Variants in BAX observed in about 807,000 individuals in gnomAD.
The protein encoded by BAX is apoptosis regulator BAX.
Under a neutral mutation model 26.8 loss-of-function variants are expected in BAX, and 21 were observed. That is an observed-to-expected ratio of 0.78 (90% confidence interval 0.56 to 1.13). The LOEUF is 1.13. Among genes scored for constraint, BAX ranks in the 50% most tolerant of loss-of-function variants. The pLI is 0.00. For synonymous variants in BAX, 110 were observed against 101.8 expected (o/e 1.08, Z -0.49); for missense variants, 236 against 254.6 (o/e 0.93, Z 0.50).
In BAX at chr19:48,961,685, T is replaced by A; in HGVS notation, c.*49T>A. ...GTTTTTCCTCCATAAATTATGGCATTTTTCTGGGAGGGGTGGGGATTGGGG... is the reference window on the plus strand; with the variant it reads ...GTTTTTCCTCCATAAATTATGGCATATTTCTGGGAGGGGTGGGGATTGGGG... On this transcript the variant is annotated 3_prime_UTR_variant, in exon 6 of 6. Coordinates refer to ENST00000345358, the MANE Select transcript of BAX (RefSeq NM_138761.4). 2 of 1,473,952 alleles carry A rather than the reference T, an allele frequency of 1.4e-6. No individual in the cohort carries two copies. The highest frequency in any genetic ancestry group is 1.9e-6 in the Non-Finnish European group (2 of 1,078,196). The allele number at this position is 1,473,952 out of a possible 1,614,324, so 91.3% of individuals were successfully genotyped here.
intron 4 of BAX, among the ~76,000 whole-genome samples, chr19:48,956,619 T>TGATTTGGCAGA (rs2038142813): frequency 6.6e-6 from 1 of 151,344 alleles, no homozygotes; most frequent in Non-Finnish European, 1.5e-5. Flanking sequence ...AAGTGGGCAG[T>TGATTTGGCAGA]GTGATTTAGC....
At chr19:48,961,302 G>C (rs1164323130) in intron 5 of BAX, 1 of 1,394,142 alleles carries the variant, frequency 7.2e-7, no homozygotes, top group Non-Finnish European at 9.4e-7. Flanking sequence ...GCCCAGGTTG[G>C]TCTCGAACTC....
chr19:48,954,980 C>T lies in BAX; in HGVS notation c.34+18C>T. On this transcript the variant is annotated intron_variant, in intron 1 of 5. Transcript: ENST00000345358. ...AGGCGGGGGTGAGGCGGGAGGCAGA[C>T]GGGCGGGAGGAGGGCGAGCCCCCTC... 8.2e-7 allele frequency: 1 copy of T among 1,215,342 alleles called. No individual in the cohort carries two copies. The highest frequency in any genetic ancestry group is 1.0e-6 in the Non-Finnish European group (1 of 975,888). 75.3% of individuals were successfully genotyped at this position (1,215,342 alleles called of 1,614,324 possible).
intron 5 of BAX, chr19:48,961,320 C>T (rs377420387): frequency 2.9e-6 from 4 of 1,356,072 alleles, no homozygotes; most frequent in African/African-American, 3.0e-5. Context: ...CTCCTGGCCT[C>T]AAGCGATCCT....
chr19:48,957,799 G>T (rs932064529), intron 4 of BAX, among the ~76,000 whole-genome samples: 4 of 152,176 alleles, frequency 2.6e-5, no homozygotes, highest in Non-Finnish European at 5.9e-5. Context: ...GGTCAAAATT[G>T]TAAGTCAAAC....
intron 4 of BAX, among the ~76,000 whole-genome samples, chr19:48,958,986 CAGG>C (rs1249901639): frequency 1.6e-4 from 24 of 152,216 alleles, no homozygotes; most frequent in African/African-American, 5.8e-4. Flanking sequence ...ATAAAGGCTG[CAGG>C]AGAAGTCTTG....
intron 4 of BAX, among the ~76,000 whole-genome samples, chr19:48,956,862 G>A (rs113961706): frequency 0.014 from 1,786 of 125,796 alleles, 54 homozygotes; most frequent in African/African-American, 0.054. Context: ...TAGTAGAGAC[G>A]GGTTTCACCA....
At chr19:48,960,492 T>G (rs1317825504) in intron 4 of BAX, among the ~76,000 whole-genome samples, 1 of 152,170 alleles carries the variant, frequency 6.6e-6, no homozygotes. Flanking sequence ...GACTCCCAAG[T>G]AGCTGGGATT....
Position 48,960,921 on chromosome 19 carries a change from C to T in BAX, c.474+7C>T. On this transcript the variant is annotated splice_region_variant and intron_variant, in intron 5 of 5. Coordinates refer to ENST00000345358, the MANE Select transcript of BAX (RefSeq NM_138761.4). ...CCAAGACCAGGGTGGTTGGGTGAGA[C>T]TCCTCAAGCCTCCTCACCCCCACCA... 1.2e-6 allele frequency: 2 copies of T among 1,613,804 alleles called. No individual in the cohort carries two copies. The highest frequency in any genetic ancestry group is 1.1e-5 in the South Asian group (1 of 91,082).
chr19:48,960,974 A>C (rs1027659970), intron 5 of BAX, 60 bp downstream of exon 5: 2 of 1,588,728 alleles, frequency 1.3e-6, no homozygotes. Flanking sequence ...CCCCTGCCCC[A>C]CCGTCCCTGC....
Position 48,960,923 on chromosome 19 carries a change from C to G in BAX, c.474+9C>G. 6.2e-7 allele frequency: 1 copy of G among 1,613,836 alleles called. No homozygotes were observed. The highest frequency in any genetic ancestry group is 8.5e-7 in the Non-Finnish European group (1 of 1,179,942). ...AAGACCAGGGTGGTTGGGTGAGACTCCTCAAGCCTCCTCACCCCCACCACC... is the reference window on the plus strand; with the variant it reads ...AAGACCAGGGTGGTTGGGTGAGACTGCTCAAGCCTCCTCACCCCCACCACC... On this transcript the variant is annotated intron_variant, in intron 5 of 5. Transcript: ENST00000345358.
At chr19:48,959,285 T>C (rs2038254867) in intron 4 of BAX, among the ~76,000 whole-genome samples, 1 of 134,874 alleles carries the variant, frequency 7.4e-6, no homozygotes, top group South Asian at 2.3e-4. Context: ...GGAGGCGGAG[T>C]TTGCAGTGAG....
At chr19:48,960,773 A>C (rs1405069026) in intron 4 of BAX, 37 bp from the exon 5 acceptor site, 1 of 1,526,912 alleles carries the variant, frequency 6.5e-7, no homozygotes, top group Non-Finnish European at 9.0e-7. Flanking sequence ...CAGTGGGGAC[A>C]AGGTTCAGTC....
At position 48,955,714 on chromosome 19, in the gene BAX, G is replaced by T. The variant is rs141306106; in HGVS notation, c.114G>T (p.Met38Ile). ...QGFIQDRAGR[M>I]GGEAPELALD... is the part of the protein sequence containing the mutation. ...TCATCCAGGATCGAGCAGGGCGAAT[G>T]GGGGGGGAGGCACCCGAGCTGGCCC... Residue 38 changes from methionine to isoleucine, a missense_variant, in exon 3 of 6, where the codon ATG becomes ATT. Physicochemically the swap from Met to Ile is conservative, Grantham distance 10. Transcript: ENST00000345358. 82 of 1,606,202 alleles carry T rather than the reference G, an allele frequency of 5.1e-5. No homozygotes were observed. Among genetic ancestry groups the T allele is most frequent in the Middle Eastern group, 3.3e-4 (2 of 6,044 alleles).
At chr19:48,957,849 T>C (rs1012727382) in intron 4 of BAX, among the ~76,000 whole-genome samples, 2 of 152,168 alleles carry the variant, frequency 1.3e-5, no homozygotes, top group African/African-American at 2.4e-5. Flanking sequence ...AAAATGTTAA[T>C]TGTAGAATCT....
chr19:48,961,140 CT>C (rs754503498), intron 5 of BAX: 6 of 1,544,652 alleles, frequency 3.9e-6, no homozygotes, highest in East Asian at 2.3e-5. Flanking sequence ...CCAGTGACCC[CT>C]GACCTCACTG....
intron 1 of BAX, 154 bp downstream of exon 1, chr19:48,955,116 C>T: frequency 1.1e-6 from 1 of 938,334 alleles, no homozygotes; most frequent in Admixed American, 4.3e-5. Context: ...CCTCCGTCCT[C>T]GGAGGTTCCT....
chr19:48,961,350 G>A (rs943502822), intron 5 of BAX, 182 bp from the exon 6 acceptor site: 2 of 1,292,610 alleles, frequency 1.5e-6, no homozygotes, highest in Non-Finnish European at 2.1e-6. Flanking sequence ...GCCTCTCAAA[G>A]TGCTGGGATT....
chr19:48,955,063 A>C, intron 1 of BAX, 101 bp downstream of exon 1: 1 of 1,212,378 alleles, frequency 8.2e-7, no homozygotes, highest in Non-Finnish European at 1.0e-6. Context: ...CCAAGCACTG[A>C]GGGGCAGAAA....
Sources: gnomAD v4.1 joint callset for allele counts (sites outside exome capture counted in the v4.1 genomes callset) on GRCh38, gnomAD v4.1.1 for gene constraint, MANE v1.5 for transcripts, NCBI Gene and HGNC (gene_info 2026-07-23, HGNC 2026-07-21) for gene names.